SLC71A2: variants seen among roughly 807,000 people sequenced by gnomAD.
The protein encoded by SLC71A2 is hippocampus abundant transcript-like 1.
chr9:94,435,846 G>A, the SLC71A2 span, among the ~76,000 whole-genome samples: 9 of 151,774 alleles, frequency 5.9e-5, no homozygotes, highest in African/African-American at 2.2e-4. Flanking sequence ...TAGAGACGGG[G>A]TTTCACCATG....
chr9:94,456,261 C>T, the SLC71A2 span: 32 of 1,613,932 alleles, frequency 2.0e-5, no homozygotes, highest in African/African-American at 2.7e-5. Context: ...CAGCAGGGAC[C>T]GTGGCTGCCA....
the SLC71A2 span, among the ~76,000 whole-genome samples, chr9:94,420,610 T>TA: frequency 2.0e-5 from 3 of 151,318 alleles, no homozygotes; most frequent in Non-Finnish European, 4.4e-5. Flanking sequence ...TTTTTTTTTT[T>TA]AAATTCAAGG....
the SLC71A2 span, among the ~76,000 whole-genome samples, chr9:94,428,590 A>C: frequency 3.4e-4 from 39 of 116,032 alleles, no homozygotes; most frequent in African/African-American, 8.4e-4. Flanking sequence ...ACATATGCAT[A>C]CCCCCCCCCC....
At chr9:94,405,509 A>G in the SLC71A2 span, among the ~76,000 whole-genome samples, 1 of 151,298 alleles carries the variant, frequency 6.6e-6, no homozygotes, top group African/African-American at 2.4e-5. Flanking sequence ...AAAAAAAAAA[A>G]AAAAAAAAAG....
the SLC71A2 span, among the ~76,000 whole-genome samples, chr9:94,390,234 G>A: frequency 2.7e-5 from 4 of 150,732 alleles, no homozygotes; most frequent in African/African-American, 4.9e-5. Context: ...AAAGGTTCTC[G>A]TTTGTGTGAT....
the SLC71A2 span, among the ~76,000 whole-genome samples, chr9:94,413,862 C>T: frequency 2.6e-5 from 4 of 152,122 alleles, no homozygotes; most frequent in Non-Finnish European, 5.9e-5. Flanking sequence ...TGGCCTTGCT[C>T]CTATGTCTGA....
chr9:94,459,314 C>G, the SLC71A2 span: 1 of 1,614,134 alleles, frequency 6.2e-7, no homozygotes, highest in Non-Finnish European at 8.5e-7. Flanking sequence ...CACCCCAGAA[C>G]GGGGCAGTGA....
the SLC71A2 span, chr9:94,445,076 T>C: frequency 6.2e-7 from 1 of 1,614,202 alleles, no homozygotes; most frequent in Non-Finnish European, 8.5e-7. Flanking sequence ...GTGGCTCTTC[T>C]GGACATCTGC....
chr9:94,401,981 T>A, the SLC71A2 span, among the ~76,000 whole-genome samples: 1 of 152,218 alleles, frequency 6.6e-6, no homozygotes, highest in Non-Finnish European at 1.5e-5. Flanking sequence ...TTCCTGACGT[T>A]GCCATGACAT....
At chr9:94,389,198 A>G in the SLC71A2 span, among the ~76,000 whole-genome samples, 2 of 151,034 alleles carry the variant, frequency 1.3e-5, no homozygotes, top group Admixed American at 6.6e-5. Context: ...AATTTTTTCC[A>G]TATTATGTGT....
the SLC71A2 span, chr9:94,453,934 A>G: frequency 6.8e-7 from 1 of 1,475,012 alleles, no homozygotes; most frequent in Non-Finnish European, 9.5e-7. Flanking sequence ...GTGGTTTTTC[A>G]GAGTTGTCTC....
chr9:94,406,906 C>T, the SLC71A2 span, among the ~76,000 whole-genome samples: 1 of 151,910 alleles, frequency 6.6e-6, no homozygotes, highest in Non-Finnish European at 1.5e-5. Flanking sequence ...TTTTTCTTGC[C>T]GTATTACTCT....
the SLC71A2 span, among the ~76,000 whole-genome samples, chr9:94,437,803 G>A: frequency 0.03 from 4,401 of 145,252 alleles, 243 homozygotes; most frequent in African/African-American, 0.11. Flanking sequence ...TTCGTCTTAA[G>A]GGTCAAATGT....
At chr9:94,391,568 T>G in the SLC71A2 span, among the ~76,000 whole-genome samples, 5 of 151,414 alleles carry the variant, frequency 3.3e-5, no homozygotes, top group Non-Finnish European at 7.4e-5. Flanking sequence ...TTGAGAGTGC[T>G]AACTGCACTT....
the SLC71A2 span, chr9:94,454,100 T>G: frequency 4.7e-6 from 7 of 1,479,100 alleles, no homozygotes; most frequent in South Asian, 7.9e-5. Context: ...TCTCGTGAAC[T>G]GCCAGACAGA....
At chr9:94,428,715 G>C in the SLC71A2 span, among the ~76,000 whole-genome samples, 2 of 149,250 alleles carry the variant, frequency 1.3e-5, no homozygotes, top group Admixed American at 6.8e-5. Context: ...TTCACTCTTG[G>C]TATTCTATAT....
chr9:94,410,414 C>G, the SLC71A2 span, among the ~76,000 whole-genome samples: 1 of 151,824 alleles, frequency 6.6e-6, no homozygotes, highest in South Asian at 2.1e-4. Flanking sequence ...ATTTTTTTCC[C>G]CCCCTAAGAG....
At chr9:94,422,502 T>C in the SLC71A2 span, among the ~76,000 whole-genome samples, 1 of 152,250 alleles carries the variant, frequency 6.6e-6, no homozygotes, top group Non-Finnish European at 1.5e-5. Context: ...TTGGTGAACA[T>C]GTATACGTGT....
the SLC71A2 span, chr9:94,415,296 GAT>G: frequency 7.2e-7 from 1 of 1,394,446 alleles, no homozygotes; most frequent in Non-Finnish European, 1.0e-6. Context: ...AAGAGAAAGA[GAT>G]AAGTTCTTAG....
Sources: gnomAD v4.1 joint callset for allele counts (sites outside exome capture counted in the v4.1 genomes callset) on GRCh38, gnomAD v4.1.1 for gene constraint, MANE v1.5 for transcripts, NCBI Gene and HGNC (gene_info 2026-07-23, HGNC 2026-07-21) for gene names.